WDR19: variants seen among roughly 807,000 people sequenced by gnomAD.
The protein encoded by WDR19 is WD repeat-containing protein 19.
A neutral mutation model predicts 180.0 loss-of-function variants in WDR19; 121 were observed. That is an observed-to-expected ratio of 0.67 (90% CI 0.58 to 0.78). The LOEUF (loss-of-function observed/expected upper bound fraction) is 0.78, where lower values mean the gene tolerates loss of function less well. WDR19 is among the 30% of genes least tolerant of loss of function. The pLI is 0.00. For missense variants in WDR19, 1,450 were observed against 1,640.7 expected (o/e 0.88, Z 2.01); for synonymous variants, 497 against 540.7 (o/e 0.92, Z 1.12).
In WDR19 at chr4:39,270,203, T is replaced by A. The variant is rs911222694; in HGVS notation, c.3483+103T>A. 5 of 1,443,920 alleles carry A rather than the reference T, an allele frequency of 3.5e-6. No individual in the cohort carries two copies. The Admixed American group carries it at 6.0e-5, about 17-fold the overall frequency. 89.4% of individuals were successfully genotyped at this position (1,443,920 alleles called of 1,614,324 possible). A position where few individuals can be genotyped will look rare whatever the true frequency, so the allele number is the denominator to read the frequency against. On this transcript the variant is annotated intron_variant, in intron 31 of 36. Coordinates refer to ENST00000399820, the MANE Select transcript of WDR19 (RefSeq NM_025132.4). ...CATTGGATTCGAGTGATTGTCTAGA[T>A]GTCTGTATTGTTAAGTAACAAAACA...
chr4:39,213,948 GA>G (rs548225553), intron 9 of WDR19, among the ~76,000 whole-genome samples: 211 of 152,060 alleles, frequency 1.4e-3, no homozygotes, highest in African/African-American at 4.9e-3. Flanking sequence ...AATAATGAGG[GA>G]AAAAAGGTAA....
At chr4:39,248,974 G>A (rs1732832799) in intron 24 of WDR19, among the ~76,000 whole-genome samples, 1 of 152,132 alleles carries the variant, frequency 6.6e-6, no homozygotes, top group African/African-American at 2.4e-5. Flanking sequence ...GGATATCCAG[G>A]AATTGAACTC....
intron 1 of WDR19, among the ~76,000 whole-genome samples, chr4:39,183,756 T>G (rs1389177352): frequency 6.6e-6 from 1 of 152,196 alleles, no homozygotes; most frequent in Non-Finnish European, 1.5e-5. Flanking sequence ...ACGACTTACT[T>G]AAAGCCCTAC....
intron 36 of WDR19, among the ~76,000 whole-genome samples, chr4:39,280,976 G>C (rs957985917): frequency 3.9e-5 from 6 of 152,032 alleles, no homozygotes; most frequent in Non-Finnish European, 7.4e-5. Flanking sequence ...TTGCTGAAAA[G>C]ACAAATTTTC....
intron 31 of WDR19, among the ~76,000 whole-genome samples, chr4:39,270,463 C>T (rs1046891930): frequency 7.9e-5 from 12 of 152,324 alleles, no homozygotes; most frequent in Admixed American, 2.6e-4. Flanking sequence ...GCAACCTCTG[C>T]CTCCCAGGTT....
intron 32 of WDR19, chr4:39,273,284 A>T: frequency 2.0e-6 from 1 of 507,294 alleles, no homozygotes; most frequent in Middle Eastern, 4.9e-4. Context: ...GCCGAGATTT[A>T]TCACAGCAAA....
intron 28 of WDR19, among the ~76,000 whole-genome samples, chr4:39,262,456 G>C (rs1408679899): frequency 1.3e-5 from 2 of 152,054 alleles, no homozygotes; most frequent in Non-Finnish European, 2.9e-5. Flanking sequence ...GCCTTGGCTG[G>C]TCTTGAACTC....
At chr4:39,255,117 A>G (rs189995911) in intron 26 of WDR19, among the ~76,000 whole-genome samples, 130 of 152,346 alleles carry the variant, frequency 8.5e-4, no homozygotes, top group Non-Finnish European at 1.5e-3. Context: ...AGAATTGCCA[A>G]TGTTTAACTT....
chr4:39,198,280 C>T (rs368585811), intron 5 of WDR19, among the ~76,000 whole-genome samples: 31 of 151,986 alleles, frequency 2.0e-4, no homozygotes, highest in East Asian at 5.9e-4. Flanking sequence ...CATTAACGGC[C>T]GGGAGTGGTG....
intron 14 of WDR19, among the ~76,000 whole-genome samples, chr4:39,220,138 T>A (rs1268709939): frequency 6.6e-6 from 1 of 152,202 alleles, no homozygotes; most frequent in Non-Finnish European, 1.5e-5. Flanking sequence ...GGAAGATCAC[T>A]TGAGCCCCAG....
chr4:39,202,962 T>C (rs972313007), intron 6 of WDR19, among the ~76,000 whole-genome samples: 17 of 152,244 alleles, frequency 1.1e-4, no homozygotes, highest in Non-Finnish European at 2.1e-4. Context: ...ACTGCAGGGA[T>C]AGTATGAGCC....
At chr4:39,222,354 G>A (rs948785151) in intron 14 of WDR19, among the ~76,000 whole-genome samples, 4 of 151,952 alleles carry the variant, frequency 2.6e-5, no homozygotes, top group African/African-American at 7.3e-5. Flanking sequence ...TTCTTCCAGC[G>A]CACAGATTGT....
intron 24 of WDR19, among the ~76,000 whole-genome samples, chr4:39,248,169 C>T (rs990720840): frequency 2.0e-5 from 3 of 152,214 alleles, no homozygotes; most frequent in Non-Finnish European, 4.4e-5. Context: ...AGGAACTCTA[C>T]AAGCCAGAAG....
chr4:39,206,771 T>C (rs555263353), intron 9 of WDR19, among the ~76,000 whole-genome samples: 4 of 152,302 alleles, frequency 2.6e-5, no homozygotes, highest in Non-Finnish European at 4.4e-5. Context: ...GAGTGGGCCA[T>C]AGAGGGACAT....
chr4:39,269,341 A>C (rs1488108963), intron 30 of WDR19, among the ~76,000 whole-genome samples: 2 of 152,170 alleles, frequency 1.3e-5, no homozygotes, highest in African/African-American at 4.8e-5. Context: ...AGCAATCCTG[A>C]TGAGCACTAC....
At chr4:39,235,850 G>A (rs1442092560) in intron 20 of WDR19, among the ~76,000 whole-genome samples, 1 of 151,330 alleles carries the variant, frequency 6.6e-6, no homozygotes, top group African/African-American at 2.4e-5. Flanking sequence ...TTCAAAAGAA[G>A]ACATATAAGC....
At chr4:39,228,439 T>C in intron 16 of WDR19, 47 bp from the exon 17 acceptor site, 2 of 1,605,810 alleles carry the variant, frequency 1.2e-6, no homozygotes. Flanking sequence ...CTGATGTTTG[T>C]GCTGAGTATT....
intron 6 of WDR19, 55 bp downstream of exon 6, chr4:39,199,648 A>C: frequency 7.1e-7 from 1 of 1,417,068 alleles, no homozygotes; most frequent in Non-Finnish European, 9.9e-7. Flanking sequence ...CCCCAAATAA[A>C]TAGTTTGTCT....
chr4:39,246,889 A>C (rs867517869), intron 24 of WDR19, among the ~76,000 whole-genome samples: 2 of 152,372 alleles, frequency 1.3e-5, no homozygotes, highest in Middle Eastern at 3.4e-3. Flanking sequence ...CCACAGCTCA[A>C]GGAGGCCTGC....
Sources: gnomAD v4.1 joint callset for allele counts (sites outside exome capture counted in the v4.1 genomes callset) on GRCh38, gnomAD v4.1.1 for gene constraint, MANE v1.5 for transcripts, NCBI Gene and HGNC (gene_info 2026-07-23, HGNC 2026-07-21) for gene names.